The following SPATA17 variants were observed in gnomAD, a reference collection of about 807,000 sequenced individuals.
The protein encoded by SPATA17 is spermatogenesis-associated protein 17.
A neutral mutation model predicts 62.2 loss-of-function variants in SPATA17; 53 were observed. That is an observed-to-expected ratio of 0.85 (90% confidence interval 0.68 to 1.07). The LOEUF is 1.07. Ranked by LOEUF, SPATA17 falls within the 50% of genes least tolerant of loss-of-function variation. The pLI is 0.00. For missense variants in SPATA17, 466 were observed against 425.5 expected, an observed-to-expected ratio of 1.10 and a Z score of -0.84; for synonymous variants, 146 against 146.8, an observed-to-expected ratio of 0.99 and a Z score of 0.04.
intron 6 of SPATA17, among the ~76,000 whole-genome samples, chr1:217,754,552 G>A (rs1293801683): frequency 6.6e-6 from 1 of 152,108 alleles, no homozygotes; most frequent in Middle Eastern, 3.2e-3. Context: ...CCAGTCATGA[G>A]TTAGATGCTA....
intron 4 of SPATA17, among the ~76,000 whole-genome samples, chr1:217,681,351 A>C (rs1671080383): frequency 6.6e-6 from 1 of 151,832 alleles, no homozygotes; most frequent in South Asian, 2.1e-4. Flanking sequence ...TGACAAAAAC[A>C]CTCCCTTATA....
intron 1 of SPATA17, among the ~76,000 whole-genome samples, chr1:217,646,487 A>G (rs1449112535): frequency 6.6e-6 from 1 of 152,164 alleles, no homozygotes; most frequent in Non-Finnish European, 1.5e-5. Flanking sequence ...TATTATATTT[A>G]GAAATTGATT....
chr1:217,798,299 AC>A (rs1674207315), intron 8 of SPATA17, among the ~76,000 whole-genome samples: 1 of 152,122 alleles, frequency 6.6e-6, no homozygotes, highest in South Asian at 2.1e-4. Context: ...AATTCATAAG[AC>A]CTTATTTGCT....
intron 9 of SPATA17, among the ~76,000 whole-genome samples, chr1:217,856,645 A>C (rs1459541334): frequency 6.6e-6 from 1 of 152,240 alleles, no homozygotes; most frequent in Admixed American, 6.5e-5. Flanking sequence ...TGAAGAATGC[A>C]TAATAAATCC....
intron 1 of SPATA17, among the ~76,000 whole-genome samples, chr1:217,640,327 T>C (rs1003134667): frequency 1.3e-5 from 2 of 152,112 alleles, no homozygotes; most frequent in East Asian, 3.8e-4. Context: ...CATAATTATA[T>C]GTGTAAAAAA....
intron 6 of SPATA17, among the ~76,000 whole-genome samples, chr1:217,764,260 C>T (rs551179213): frequency 6.6e-6 from 1 of 152,292 alleles, no homozygotes; most frequent in South Asian, 2.1e-4. Flanking sequence ...CTCCCTACAA[C>T]CTCCGTAAGC....
At chr1:217,636,161 A>C (rs2102873948) in intron 1 of SPATA17, among the ~76,000 whole-genome samples, 1 of 145,430 alleles carries the variant, frequency 6.9e-6, no homozygotes, top group South Asian at 2.2e-4. Flanking sequence ...GGGTGTTTTC[A>C]GCAGAGGAGT....
At chr1:217,664,592 G>T (rs900667100) in intron 3 of SPATA17, among the ~76,000 whole-genome samples, 12 of 152,026 alleles carry the variant, frequency 7.9e-5, no homozygotes, top group African/African-American at 2.7e-4. Context: ...ACCACACCCG[G>T]CCCAAAATCT....
At chr1:217,642,044 T>C (rs545735929) in intron 1 of SPATA17, among the ~76,000 whole-genome samples, 1 of 152,298 alleles carries the variant, frequency 6.6e-6, no homozygotes, top group East Asian at 1.9e-4. Flanking sequence ...GTCTGATTTT[T>C]CCCCTTGATT....
chr1:217,663,445 CAA>C (rs199729272), intron 3 of SPATA17, among the ~76,000 whole-genome samples: 17 of 115,010 alleles, frequency 1.5e-4, no homozygotes, highest in Middle Eastern at 4.8e-3. Context: ...AACTCCATCT[CAA>C]AAAAAAAAAA....
chr1:217,730,559 G>C (rs1481135176), intron 5 of SPATA17, among the ~76,000 whole-genome samples: 1 of 152,068 alleles, frequency 6.6e-6, no homozygotes, highest in Non-Finnish European at 1.5e-5. Flanking sequence ...ATACAAAAAA[G>C]CAGTCTGAAT....
At chr1:217,668,966 T>C in intron 3 of SPATA17, 67 bp from the exon 4 acceptor site, 3 of 1,311,176 alleles carry the variant, frequency 2.3e-6, no homozygotes, top group Non-Finnish European at 3.3e-6. Flanking sequence ...ATCTTTTATA[T>C]GTAAAAATAG....
intron 9 of SPATA17, among the ~76,000 whole-genome samples, chr1:217,819,435 C>G (rs900885052): frequency 1.3e-5 from 2 of 151,902 alleles, no homozygotes; most frequent in Admixed American, 6.6e-5. Context: ...CTCTATCTCT[C>G]TCTTCCCTAG....
intron 8 of SPATA17, among the ~76,000 whole-genome samples, chr1:217,782,581 CTG>C (rs1281376285): frequency 2.0e-5 from 3 of 151,968 alleles, no homozygotes; most frequent in Non-Finnish European, 2.9e-5. Flanking sequence ...ATCTATGTAT[CTG>C]TGAAGATAAT....
chr1:217,841,189 T>C (rs1340466530), intron 9 of SPATA17, among the ~76,000 whole-genome samples: 1 of 151,958 alleles, frequency 6.6e-6, no homozygotes, highest in Non-Finnish European at 1.5e-5. Context: ...GATATGAAGT[T>C]TCTGAAATTT....
intron 9 of SPATA17, among the ~76,000 whole-genome samples, chr1:217,842,124 G>GT (rs1021660902): frequency 6.6e-6 from 1 of 151,690 alleles, no homozygotes; most frequent in African/African-American, 2.4e-5. Flanking sequence ...GAATTATGCT[G>GT]TTTTTTTAAA....
intron 8 of SPATA17, 102 bp downstream of exon 8, chr1:217,782,424 A>G: frequency 7.6e-7 from 1 of 1,322,950 alleles, no homozygotes; most frequent in Non-Finnish European, 1.0e-6. Context: ...TATTTGTGAG[A>G]AAAGGTAAAG....
chr1:217,799,756 T>C (rs947471088), intron 8 of SPATA17, among the ~76,000 whole-genome samples: 2 of 152,052 alleles, frequency 1.3e-5, no homozygotes, highest in African/African-American at 2.4e-5. Flanking sequence ...TAATTTTCCA[T>C]TGAATTTAGA....
chr1:217,820,052 T>C (rs1007387878), intron 9 of SPATA17, among the ~76,000 whole-genome samples: 1 of 152,052 alleles, frequency 6.6e-6, no homozygotes, highest in African/African-American at 2.4e-5. Flanking sequence ...TAAACACCTG[T>C]GATTGCAGAC....
Sources: gnomAD v4.1 joint callset for allele counts (sites outside exome capture counted in the v4.1 genomes callset) on GRCh38, gnomAD v4.1.1 for gene constraint, MANE v1.5 for transcripts, NCBI Gene and HGNC (gene_info 2026-07-23, HGNC 2026-07-21) for gene names.